The following PRKG1 variants were observed in gnomAD, a reference collection of about 807,000 sequenced individuals.
The protein encoded by PRKG1 is cGMP-dependent protein kinase 1.
In PRKG1, 35 loss-of-function variants were observed where a neutral mutation model predicts 88.1. That is an observed-to-expected ratio of 0.40 (90% CI 0.30 to 0.53). The LOEUF (loss-of-function observed/expected upper bound fraction) is 0.53, where lower values mean the gene tolerates loss of function less well. PRKG1 is among the 20% of genes least tolerant of loss of function. The probability of loss-of-function intolerance (pLI) is 0.59; values close to 1 mark genes in which losing one functional copy is unlikely to be tolerated. For synonymous variants in PRKG1, 303 were observed against 292.5 expected (o/e 1.04, Z -0.37); for missense variants, 540 against 839.8 (o/e 0.64, Z 4.41).
rs146737216 is a variant in PRKG1, at chr10:51,416,978, G to C, written c.479-50745G>C. ...CACTTGGAAAAAAACTAGTAAACGTGTTTCCAGTTTTCTCATTGAGAATCA... is the reference window on the plus strand; with the variant it reads ...CACTTGGAAAAAAACTAGTAAACGTCTTTCCAGTTTTCTCATTGAGAATCA... On this transcript the variant is annotated intron_variant, in intron 2 of 17. Transcript: ENST00000373980. 9.4e-4 allele frequency among the ~76,000 whole-genome samples: 143 copies of C among 152,250 alleles called. 4 individuals carry two copies. In the East Asian group the frequency reaches 0.022, roughly 24 times the overall value.
intron 3 of PRKG1, among the ~76,000 whole-genome samples, chr10:51,608,579 T>A (rs769307117): frequency 6.6e-6 from 1 of 152,200 alleles, no homozygotes; most frequent in Non-Finnish European, 1.5e-5. Context: ...AATAAAAGCC[T>A]TGTGATTATA....
intron 2 of PRKG1, among the ~76,000 whole-genome samples, chr10:51,390,743 C>T (rs187917732): frequency 1.8e-4 from 28 of 152,232 alleles, no homozygotes; most frequent in African/African-American, 6.0e-4. Flanking sequence ...CAGGAGTTGC[C>T]ATTTGCTAGG....
At chr10:51,854,225 T>C (rs1177943450) in intron 4 of PRKG1, among the ~76,000 whole-genome samples, 1 of 152,150 alleles carries the variant, frequency 6.6e-6, no homozygotes, top group African/African-American at 2.4e-5. Context: ...GTAGAATACT[T>C]TAATCTTCCC....
At chr10:51,368,173 A>C (rs1215777397) in intron 2 of PRKG1, among the ~76,000 whole-genome samples, 1 of 152,018 alleles carries the variant, frequency 6.6e-6, no homozygotes, top group African/African-American at 2.4e-5. Flanking sequence ...TGCAATGTGA[A>C]TATTACCCAA....
At chr10:51,588,957 C>A (rs954189568) in intron 3 of PRKG1, among the ~76,000 whole-genome samples, 1 of 151,828 alleles carries the variant, frequency 6.6e-6, no homozygotes, top group Non-Finnish European at 1.5e-5. Context: ...AGATAGATAC[C>A]AAATAAAAAT....
chr10:51,812,485 C>G (rs556760646), intron 4 of PRKG1, among the ~76,000 whole-genome samples: 1 of 152,272 alleles, frequency 6.6e-6, no homozygotes, highest in Non-Finnish European at 1.5e-5. Flanking sequence ...CAGTGCATCT[C>G]ATCGATTTGC....
At chr10:51,797,803 C>T (rs925914502) in intron 3 of PRKG1, among the ~76,000 whole-genome samples, 16 of 151,692 alleles carry the variant, frequency 1.1e-4, no homozygotes, top group African/African-American at 3.6e-4. Flanking sequence ...CTCTTCATTT[C>T]CCCGCTCCTT....
At chr10:51,505,432 C>CT (rs1405230075) in intron 3 of PRKG1, among the ~76,000 whole-genome samples, 1 of 151,992 alleles carries the variant, frequency 6.6e-6, no homozygotes, top group East Asian at 1.9e-4. Flanking sequence ...CTAAAATTCT[C>CT]TTTTTTTGTT....
chr10:51,796,865 C>T (rs1166849377), intron 3 of PRKG1, among the ~76,000 whole-genome samples: 1 of 152,028 alleles, frequency 6.6e-6, no homozygotes, highest in Non-Finnish European at 1.5e-5. Flanking sequence ...ACTGCATAGC[C>T]AACTTCTTTC....
At chr10:52,181,108 G>T (rs963507123) in intron 9 of PRKG1, among the ~76,000 whole-genome samples, 2 of 152,124 alleles carry the variant, frequency 1.3e-5, no homozygotes, top group Admixed American at 6.5e-5. Flanking sequence ...CCAACCTGGG[G>T]GCTTGTCTGC....
chr10:51,191,880 G>C (rs1837640462), intron 2 of PRKG1, among the ~76,000 whole-genome samples: 1 of 151,710 alleles, frequency 6.6e-6, no homozygotes, highest in Non-Finnish European at 1.5e-5. Context: ...CTTCCTACTA[G>C]AATTTTGGAT....
chr10:51,073,496 C>A (rs1564588933), upstream of PRKG1, among the ~76,000 whole-genome samples: 1 of 152,064 alleles, frequency 6.6e-6, no homozygotes. Flanking sequence ...CTCTCCCCGC[C>A]AAATTCAGCA....
chr10:52,278,832 G>T (rs1252735157), intron 12 of PRKG1, among the ~76,000 whole-genome samples: 2 of 151,670 alleles, frequency 1.3e-5, no homozygotes, highest in African/African-American at 4.9e-5. Context: ...GAACCCAGGA[G>T]GCTGAGGTTG....
chr10:51,848,517 G>T (rs2132797371), intron 4 of PRKG1, among the ~76,000 whole-genome samples: 1 of 152,096 alleles, frequency 6.6e-6, no homozygotes, highest in South Asian at 2.1e-4. Flanking sequence ...GTCTTTACTG[G>T]TTCTCAGATG....
At position 51,639,147 on chromosome 10, in the gene PRKG1, A is replaced by G. The variant is rs187471629; in HGVS notation, c.593-165438A>G. Among the ~76,000 whole-genome samples, 3 of 152,204 alleles carry G rather than the reference A, an allele frequency of 2.0e-5. No individual in the cohort carries two copies. The East Asian group carries it at 5.8e-4, about 29-fold the overall frequency. On this transcript the variant is annotated intron_variant, in intron 3 of 17. Coordinates refer to ENST00000373980, the MANE Select transcript of PRKG1 (RefSeq NM_006258.4). ...TTATAAGTCATATATAAAACAAGAC[A>G]TGAGAGGCTGGGCACGGTGGCTCAC...
At chr10:51,836,485 A>C (rs1047278914) in intron 4 of PRKG1, among the ~76,000 whole-genome samples, 2 of 152,110 alleles carry the variant, frequency 1.3e-5, no homozygotes. Context: ...AGAAATCTCT[A>C]CCCAAAGCAA....
At chr10:51,300,171 A>C (rs1397224893) in intron 2 of PRKG1, among the ~76,000 whole-genome samples, 1 of 152,234 alleles carries the variant, frequency 6.6e-6, no homozygotes, top group Non-Finnish European at 1.5e-5. Context: ...ATAGAGGATC[A>C]TGGCTTACGA....
At chr10:51,850,119 C>T (rs1430983569) in intron 4 of PRKG1, among the ~76,000 whole-genome samples, 1 of 152,082 alleles carries the variant, frequency 6.6e-6, no homozygotes, top group Non-Finnish European at 1.5e-5. Context: ...ATCTTGAAGC[C>T]AAGAAGATCT....
At chr10:51,584,026 T>C (rs541992410) in intron 3 of PRKG1, among the ~76,000 whole-genome samples, 1 of 152,190 alleles carries the variant, frequency 6.6e-6, no homozygotes, top group South Asian at 2.1e-4. Flanking sequence ...TAGCACTTAA[T>C]CAGACATTTG....
Sources: allele counts gnomAD v4.1 joint callset (sites outside exome capture counted in the v4.1 genomes callset), GRCh38; gene constraint gnomAD v4.1.1; transcripts MANE v1.5; gene names NCBI Gene and HGNC (gene_info 2026-07-23, HGNC 2026-07-21).